The following PCDHA4 variants were observed in gnomAD, a reference collection of about 807,000 sequenced individuals.
The protein encoded by PCDHA4 is protocadherin alpha-4.
A neutral mutation model predicts 61.4 loss-of-function variants in PCDHA4; 49 were observed. The observed-to-expected ratio is 0.80, with a 90% CI of 0.63 to 1.01. PCDHA4 has a LOEUF of 1.01. PCDHA4 is among the 50% of genes least tolerant of loss of function. The probability of loss-of-function intolerance (pLI) is 0.00; values close to 1 mark genes in which losing one functional copy is unlikely to be tolerated. For synonymous variants in PCDHA4, 590 were observed against 550.3 expected (o/e 1.07, Z -1.01); for missense variants, 1,254 against 1,235.8 (o/e 1.01, Z -0.22).
rs782180138 is a variant in PCDHA4, at chr5:140,856,292, A to G, written c.2385+46720A>G. 5 of 1,598,490 alleles carry G rather than the reference A, an allele frequency of 3.1e-6. 1 individual carries two copies. The stretch of plus-strand genomic sequence containing the variant: ...TCTGGAGGTAAATCTGCAGAATGGC[A>G]TTTTGTTTGTGAATTCTCGGATTGA... On this transcript the variant is annotated intron_variant, in intron 1 of 3. Transcript: ENST00000530339.
At chr5:140,846,541 A>AT (rs1226302144) in intron 1 of PCDHA4, among the ~76,000 whole-genome samples, 1 of 147,480 alleles carries the variant, frequency 6.8e-6, no homozygotes, top group Non-Finnish European at 1.5e-5. Flanking sequence ...TGCCCTGCTA[A>AT]TTTTTTGTAT....
chr5:140,828,071 A>G (rs2150150586), intron 1 of PCDHA4: 1 of 1,566,150 alleles, frequency 6.4e-7, no homozygotes, highest in Non-Finnish European at 8.6e-7. Flanking sequence ...TCTAATGGAA[A>G]TAAAACCAGA....
chr5:140,942,359 C>T (rs943225700), intron 1 of PCDHA4, among the ~76,000 whole-genome samples: 5 of 151,564 alleles, frequency 3.3e-5, no homozygotes, highest in Non-Finnish European at 5.9e-5. Flanking sequence ...TTGCAGTTAA[C>T]GGAGATTGCA....
intron 1 of PCDHA4, among the ~76,000 whole-genome samples, chr5:140,819,759 C>T (rs1766617178): frequency 6.6e-6 from 1 of 152,080 alleles, no homozygotes; most frequent in East Asian, 1.9e-4. Context: ...AGTCTTGTTT[C>T]CTCCTGAAAT....
At chr5:140,871,804 T>C (rs538101432) in intron 1 of PCDHA4, among the ~76,000 whole-genome samples, 75 of 152,364 alleles carry the variant, frequency 4.9e-4, no homozygotes, top group Non-Finnish European at 7.9e-4. Flanking sequence ...ATTACTATTT[T>C]CACTAAAGTA....
chr5:140,939,182 C>T (rs2092333864), intron 1 of PCDHA4, among the ~76,000 whole-genome samples: 1 of 152,146 alleles, frequency 6.6e-6, no homozygotes, highest in African/African-American at 2.4e-5. Context: ...GGCCCACTCC[C>T]TGGTTCATAA....
intron 1 of PCDHA4, chr5:140,869,037 C>A: frequency 1.3e-6 from 2 of 1,528,404 alleles, no homozygotes; most frequent in South Asian, 2.6e-5. Context: ...AGATTTTTAA[C>A]CTGAAACTGA....
intron 1 of PCDHA4, chr5:140,829,267 C>T (rs2150164900): frequency 1.5e-5 from 24 of 1,614,242 alleles, no homozygotes; most frequent in East Asian, 2.2e-5. Flanking sequence ...TGACGCCTCA[C>T]GTCCCTTTCA....
At chr5:140,993,616 C>A (rs1554253872) in intron 3 of PCDHA4, among the ~76,000 whole-genome samples, 2 of 151,688 alleles carry the variant, frequency 1.3e-5, no homozygotes, top group Admixed American at 6.6e-5. Context: ...TTGTTGGGAC[C>A]CTCTATATAT....
rs1489456152 is a variant in PCDHA4 at position 140,857,912 on chromosome 5, C to T, written c.2385+48340C>T. On this transcript the variant is annotated intron_variant, in intron 1 of 3. Transcript: ENST00000530339. ...GGCGGTTGGTGCACGCATCCCGTTT[C>T]GCGTGGGGCTGTACACGGGCGAGAT... is the stretch of plus-strand genomic sequence containing the variant. 3.1e-6 allele frequency: 5 copies of T among 1,597,650 alleles called. 1 individual carries two copies. In the Admixed American group the frequency reaches 6.7e-5, roughly 22 times the overall value.
chr5:140,817,348 A>AG (rs1387838352), intron 1 of PCDHA4: 1 of 152,294 alleles, frequency 6.6e-6, no homozygotes, highest in Non-Finnish European at 1.5e-5. Flanking sequence ...CTTGGAGCCC[A>AG]GGACCCTCTT....
intron 1 of PCDHA4, among the ~76,000 whole-genome samples, chr5:140,973,426 C>T (rs1554235288): frequency 6.6e-6 from 1 of 152,192 alleles, no homozygotes; most frequent in East Asian, 1.9e-4. Flanking sequence ...GTTTTTCATC[C>T]TCTGATGGTC....
chr5:140,829,704 G>A, intron 1 of PCDHA4: 2 of 1,613,434 alleles, frequency 1.2e-6, no homozygotes, highest in Non-Finnish European at 8.5e-7. Flanking sequence ...GTGAGCGCGC[G>A]CGACGCGGGC....
At chr5:140,871,940 T>C (rs1554165964) in intron 1 of PCDHA4, among the ~76,000 whole-genome samples, 1 of 152,226 alleles carries the variant, frequency 6.6e-6, no homozygotes, top group Non-Finnish European at 1.5e-5. Flanking sequence ...TCAACTGGCT[T>C]TGTTTTTCTA....
chr5:140,856,162 C>T (rs782071685), intron 1 of PCDHA4: 7 of 1,598,320 alleles, frequency 4.4e-6, no homozygotes, highest in Non-Finnish European at 6.0e-6. Context: ...ACGAGGAGGC[C>T]AGACACGGCA....
chr5:140,842,323 C>A (rs2150334082), intron 1 of PCDHA4: 2 of 1,607,134 alleles, frequency 1.2e-6, no homozygotes. Flanking sequence ...CGGGTCATTG[C>A]ACCGTTTTAG....
intron 3 of PCDHA4, among the ~76,000 whole-genome samples, chr5:140,999,980 C>A (rs1386394350): frequency 6.6e-6 from 1 of 152,076 alleles, no homozygotes; most frequent in Non-Finnish European, 1.5e-5. Context: ...GCTCTAGCGG[C>A]CTCTGGGTAG....
chr5:140,834,491 C>G (rs2150219703), intron 1 of PCDHA4: 164 of 1,614,076 alleles, frequency 1.0e-4, no homozygotes, highest in Non-Finnish European at 1.3e-4. Flanking sequence ...ACTCGGTCCC[C>G]GAGGAGGCTA....
chr5:140,942,995 G>A (rs933167090), intron 1 of PCDHA4, among the ~76,000 whole-genome samples: 7 of 152,042 alleles, frequency 4.6e-5, no homozygotes, highest in African/African-American at 1.2e-4. Context: ...GGTGGCTCAT[G>A]CCTGTAATCC....
Sources: allele counts gnomAD v4.1 joint callset (sites outside exome capture counted in the v4.1 genomes callset), GRCh38; gene constraint gnomAD v4.1.1; transcripts MANE v1.5; gene names NCBI Gene and HGNC (gene_info 2026-07-23, HGNC 2026-07-21).